FBXL7: variants seen among roughly 807,000 people sequenced by gnomAD.
The protein encoded by FBXL7 is F-box and leucine rich repeat protein 7.
FBXL7 carries 12 observed loss-of-function variants against 38.3 expected under a neutral mutation model. That is an observed-to-expected ratio of 0.31 (90% CI 0.20 to 0.51). The LOEUF (loss-of-function observed/expected upper bound fraction) is 0.51, where lower values mean the gene tolerates loss of function less well. Among genes scored for constraint, FBXL7 ranks in the 20% least tolerant of loss-of-function variants. The pLI is 0.98. For missense variants in FBXL7, 567 were observed against 676.4 expected, an observed-to-expected ratio of 0.84 and a Z score of 1.79; for synonymous variants, 297 against 300.9, an observed-to-expected ratio of 0.99 and a Z score of 0.13.
chr5:15,536,987 C>T (rs917580473), intron 1 of FBXL7, among the ~76,000 whole-genome samples: 6 of 152,100 alleles, frequency 3.9e-5, no homozygotes, highest in African/African-American at 1.2e-4. Flanking sequence ...TGAGTGAGTT[C>T]TTGTGAGATC....
At chr5:15,820,939 C>A (rs1303049921) in intron 2 of FBXL7, among the ~76,000 whole-genome samples, 2 of 152,170 alleles carry the variant, frequency 1.3e-5, no homozygotes, top group Non-Finnish European at 2.9e-5. Flanking sequence ...CAGATGCCTG[C>A]ACACCCCTCC....
At chr5:15,636,873 T>C (rs948574459) in intron 2 of FBXL7, among the ~76,000 whole-genome samples, 3 of 152,202 alleles carry the variant, frequency 2.0e-5, no homozygotes, top group Admixed American at 1.3e-4. Flanking sequence ...TAAAATGATC[T>C]GATACATTCT....
In FBXL7 at chr5:15,938,839, C is replaced by T. The variant is rs1040546046; in HGVS notation, c.*1653C>T. The T allele has an allele frequency of 2.3e-5, 9 of 396,344 alleles. No individual in the cohort carries two copies. The highest frequency in any genetic ancestry group is 1.1e-4 in the East Asian group (3 of 28,010). The allele number at this position is 396,344 out of a possible 1,614,324, so 24.6% of individuals were successfully genotyped here. On this transcript the variant is annotated 3_prime_UTR_variant, in exon 4 of 4. Transcript: ENST00000504595. ...GAAGAAATTCCATTGCTGGTTTTCA[C>T]GAAATTCACTTGTCTTTTGCTAATA...
At chr5:15,849,778 C>A (rs960491586) in intron 2 of FBXL7, among the ~76,000 whole-genome samples, 1 of 152,184 alleles carries the variant, frequency 6.6e-6, no homozygotes, top group Non-Finnish European at 1.5e-5. Context: ...ATGATTCATA[C>A]TATTATGACA....
rs1741019765 is a variant in FBXL7, at chr5:15,632,164, T to C, written c.127+16092T>C. The stretch of plus-strand genomic sequence containing the variant: ...AGCTTTTCAGATTTGTTACTGTGTA[T>C]TGTTAATCATCAAATGGGGATATAA... On this transcript the variant is annotated intron_variant, in intron 2 of 3. Coordinates refer to ENST00000504595, the MANE Select transcript of FBXL7 (RefSeq NM_012304.5). 2.0e-5 allele frequency among the ~76,000 whole-genome samples: 3 copies of C among 152,328 alleles called. 1 individual carries two copies. The South Asian group carries it at 6.2e-4, about 32-fold the overall frequency.
intron 1 of FBXL7, among the ~76,000 whole-genome samples, chr5:15,558,891 G>C (rs1488818159): frequency 6.6e-6 from 1 of 152,182 alleles, no homozygotes; most frequent in African/African-American, 2.4e-5. Context: ...TAGCTGGGCT[G>C]TTAGTGTCAA....
chr5:15,619,573 G>C (rs561354455), intron 2 of FBXL7, among the ~76,000 whole-genome samples: 1 of 152,054 alleles, frequency 6.6e-6, no homozygotes, highest in Non-Finnish European at 1.5e-5. Context: ...AGTTGATTAT[G>C]GTTATTTTCT....
chr5:15,662,839 A>G (rs779153948), intron 2 of FBXL7, among the ~76,000 whole-genome samples: 5 of 152,038 alleles, frequency 3.3e-5, no homozygotes, highest in Non-Finnish European at 7.4e-5. Context: ...TGGGCTCTCT[A>G]TGCTGTTCCA....
chr5:15,593,384 TGTG>T (rs1739535305), intron 1 of FBXL7, among the ~76,000 whole-genome samples: 1 of 151,932 alleles, frequency 6.6e-6, no homozygotes, highest in African/African-American at 2.4e-5. Context: ...ATTAGCCAGG[TGTG>T]GTGGTGGGTA....
intron 2 of FBXL7, among the ~76,000 whole-genome samples, chr5:15,894,871 T>C (rs1223039746): frequency 1.3e-5 from 2 of 152,208 alleles, no homozygotes; most frequent in African/African-American, 2.4e-5. Flanking sequence ...GGTTTTTTTT[T>C]CTTAGAATTG....
intron 1 of FBXL7, among the ~76,000 whole-genome samples, chr5:15,546,401 T>C (rs1251896027): frequency 1.3e-5 from 2 of 152,082 alleles, no homozygotes; most frequent in South Asian, 2.1e-4. Flanking sequence ...ACCCCATCTC[T>C]ACTAAAAATA....
intron 1 of FBXL7, among the ~76,000 whole-genome samples, chr5:15,585,785 C>T (rs2126473471): frequency 1.3e-5 from 2 of 152,270 alleles, no homozygotes; most frequent in South Asian, 4.1e-4. Context: ...AATATTTTTT[C>T]AGACCCATTG....
chr5:15,769,735 C>CA (rs1736679879), intron 2 of FBXL7, among the ~76,000 whole-genome samples: 20 of 4,546 alleles, frequency 4.4e-3, no homozygotes, highest in African/African-American at 0.019. Flanking sequence ...TTTCTGGACA[C>CA]GAAAAAAAAA....
chr5:15,929,059 G>C (rs1741970814), intron 3 of FBXL7, among the ~76,000 whole-genome samples: 1 of 152,188 alleles, frequency 6.6e-6, no homozygotes, highest in Non-Finnish European at 1.5e-5. Context: ...CCCACCTGCT[G>C]TTGGTCCCTG....
At chr5:15,830,105 T>G (rs9968693) in intron 2 of FBXL7, among the ~76,000 whole-genome samples, 1,891 of 152,242 alleles carry the variant, frequency 0.012, 39 homozygotes, top group African/African-American at 0.043. Context: ...CACTGAGACT[T>G]AAACTTCAGC....
At chr5:15,764,042 G>C (rs535602997) in intron 2 of FBXL7, among the ~76,000 whole-genome samples, 4 of 152,300 alleles carry the variant, frequency 2.6e-5, no homozygotes, top group South Asian at 4.1e-4. Context: ...AGGCTCTACA[G>C]TTTGGAGTTC....
intron 2 of FBXL7, among the ~76,000 whole-genome samples, chr5:15,861,942 T>C (rs1739493261): frequency 6.6e-6 from 1 of 152,242 alleles, no homozygotes; most frequent in Non-Finnish European, 1.5e-5. Flanking sequence ...TAATTGTTTA[T>C]TAAACATTTA....
intron 2 of FBXL7, among the ~76,000 whole-genome samples, chr5:15,716,854 G>A (rs1744054769): frequency 6.6e-6 from 1 of 152,042 alleles, no homozygotes; most frequent in Non-Finnish European, 1.5e-5. Context: ...AATATAGAAT[G>A]GAATCATTAT....
chr5:15,733,807 C>G (rs1452658228), intron 2 of FBXL7, among the ~76,000 whole-genome samples: 1 of 152,034 alleles, frequency 6.6e-6, no homozygotes, highest in African/African-American at 2.4e-5. Context: ...TTTTATTTTC[C>G]TATAAAATAG....
Sources: allele counts gnomAD v4.1 joint callset (sites outside exome capture counted in the v4.1 genomes callset), GRCh38; gene constraint gnomAD v4.1.1; transcripts MANE v1.5; gene names NCBI Gene and HGNC (gene_info 2026-07-23, HGNC 2026-07-21).